PCDH15: variants seen among roughly 807,000 people sequenced by gnomAD.
PCDH15 encodes the protein protocadherin-15.
In PCDH15, 129 loss-of-function variants were observed where a neutral mutation model predicts 178.5. The observed-to-expected ratio is 0.72, with a 90% CI of 0.63 to 0.84. The LOEUF is 0.84. Ranked by LOEUF, PCDH15 falls within the 40% of genes least tolerant of loss-of-function variation. The pLI is 0.00. For synonymous variants in PCDH15, 800 were observed against 732.0 expected (o/e 1.09, Z -1.50); for missense variants, 2,230 against 2,099.9 (o/e 1.06, Z -1.21).
chr10:54,563,358 T>TG (rs1343152939), intron 2 of PCDH15, among the ~76,000 whole-genome samples: 1 of 152,154 alleles, frequency 6.6e-6, no homozygotes, highest in African/African-American at 2.4e-5. Flanking sequence ...GGTTTGTTCT[T>TG]GCATTTGAAC....
At chr10:55,552,142 T>A (rs117433925) in intron 2 of PCDH15, among the ~76,000 whole-genome samples, 2,341 of 151,852 alleles carry the variant, frequency 0.015, 35 homozygotes, top group Middle Eastern at 0.065. Flanking sequence ...CTTAAATGCT[T>A]TAAAATATCA....
intron 2 of PCDH15, among the ~76,000 whole-genome samples, chr10:55,508,667 C>T (rs571785519): frequency 1.1e-3 from 168 of 151,780 alleles, no homozygotes; most frequent in Non-Finnish European, 1.4e-3. Flanking sequence ...GCTTTCTAAA[C>T]TGGTTGGGGA....
At chr10:54,480,467 T>C (rs2078636263) in intron 3 of PCDH15, among the ~76,000 whole-genome samples, 1 of 152,020 alleles carries the variant, frequency 6.6e-6, no homozygotes, top group Admixed American at 6.6e-5. Flanking sequence ...ACTCATAATC[T>C]TATCTAAATC....
At chr10:54,187,532 T>C (rs2048580713) in intron 11 of PCDH15, among the ~76,000 whole-genome samples, 2 of 151,888 alleles carry the variant, frequency 1.3e-5, no homozygotes, top group South Asian at 4.1e-4. Flanking sequence ...ACTCCATAAA[T>C]AGACTTCCTT....
intron 4 of PCDH15, among the ~76,000 whole-genome samples, chr10:54,372,401 G>T (rs2134811313): frequency 6.6e-6 from 1 of 151,938 alleles, no homozygotes; most frequent in East Asian, 1.9e-4. Context: ...AGCTCCCTAT[G>T]CAACTGTTAG....
chr10:54,725,920 T>C (rs1006450033), intron 1 of PCDH15, among the ~76,000 whole-genome samples: 1 of 151,612 alleles, frequency 6.6e-6, no homozygotes, highest in Non-Finnish European at 1.5e-5. Flanking sequence ...TGCACTAACT[T>C]GATTGTCACA....
chr10:54,470,190 G>A (rs1229734485), intron 3 of PCDH15, among the ~76,000 whole-genome samples: 1 of 152,178 alleles, frequency 6.6e-6, no homozygotes, highest in Non-Finnish European at 1.5e-5. Flanking sequence ...GTTGGGGTGG[G>A]GAAGCAGAGG....
At chr10:54,074,829 A>C (rs1000882341) in intron 17 of PCDH15, among the ~76,000 whole-genome samples, 1 of 152,020 alleles carries the variant, frequency 6.6e-6, no homozygotes, top group African/African-American at 2.4e-5. Flanking sequence ...CAAGGGTTCC[A>C]ATTTTTCCAC....
At chr10:54,099,513 AATAT>A (rs1554965277) in intron 15 of PCDH15, among the ~76,000 whole-genome samples, 1 of 117,902 alleles carries the variant, frequency 8.5e-6, no homozygotes, top group South Asian at 2.9e-4. Flanking sequence ...AAAAAAAAAA[AATAT>A]ATATATATAT....
intron 13 of PCDH15, among the ~76,000 whole-genome samples, chr10:54,180,082 T>C (rs1023855307): frequency 6.6e-6 from 1 of 152,196 alleles, no homozygotes; most frequent in Non-Finnish European, 1.5e-5. Flanking sequence ...AATTATCTCA[T>C]GCAGTAATTT....
chr10:54,426,141 T>C (rs2891523), intron 3 of PCDH15, among the ~76,000 whole-genome samples: 72,348 of 152,036 alleles, frequency 0.48, 18,023 homozygotes, highest in Middle Eastern at 0.52. Context: ...GCTCCTGTTT[T>C]ACTAAGGAAA....
At chr10:54,743,851 A>C (rs752574228) in intron 1 of PCDH15, among the ~76,000 whole-genome samples, 39 of 152,100 alleles carry the variant, frequency 2.6e-4, no homozygotes, top group Non-Finnish European at 4.9e-4. Context: ...AACCACTCTA[A>C]CACAAGGAAT....
chr10:54,998,185 C>T (rs1001404203), intron 2 of PCDH15, among the ~76,000 whole-genome samples: 1 of 151,882 alleles, frequency 6.6e-6, no homozygotes, highest in African/African-American at 2.4e-5. Context: ...CAAAGTTTTG[C>T]CATAAAATAA....
At chr10:53,808,914 AG>A in intron 37 of PCDH15, 1 of 1,575,142 alleles carries the variant, frequency 6.3e-7, no homozygotes, top group Non-Finnish European at 8.6e-7. Flanking sequence ...CTTGAGCTTC[AG>A]GGTCTGTACT....
intron 2 of PCDH15, among the ~76,000 whole-genome samples, chr10:55,056,758 G>A (rs1313345157): frequency 2.6e-5 from 4 of 151,392 alleles, no homozygotes; most frequent in South Asian, 4.2e-4. Flanking sequence ...TCAGCCTCCC[G>A]AGTAGCTGGG....
At chr10:55,189,925 C>T (rs769342344) in intron 1 of PCDH15, among the ~76,000 whole-genome samples, 7 of 151,824 alleles carry the variant, frequency 4.6e-5, no homozygotes, top group Middle Eastern at 3.4e-3. Flanking sequence ...ATGCATGATA[C>T]GGGCACACAA....
chr10:55,522,249 G>A (rs1841192752), intron 2 of PCDH15, among the ~76,000 whole-genome samples: 1 of 151,816 alleles, frequency 6.6e-6, no homozygotes, highest in Admixed American at 6.6e-5. Flanking sequence ...TCTAACAGAT[G>A]GGATATCTCA....
At chr10:55,453,351 C>T (rs1311689685) in intron 2 of PCDH15, among the ~76,000 whole-genome samples, 1 of 152,152 alleles carries the variant, frequency 6.6e-6, no homozygotes, top group Non-Finnish European at 1.5e-5. Flanking sequence ...GCGGATCTGA[C>T]ATAGCACCTG....
chr10:55,431,105 T>C (rs1838871401), intron 2 of PCDH15, among the ~76,000 whole-genome samples: 1 of 152,160 alleles, frequency 6.6e-6, no homozygotes, highest in Non-Finnish European at 1.5e-5. Flanking sequence ...AAGAGTCAAT[T>C]TGGTGAGAAT....
Sources: gnomAD v4.1 joint callset for allele counts (sites outside exome capture counted in the v4.1 genomes callset) on GRCh38, gnomAD v4.1.1 for gene constraint, MANE v1.5 for transcripts, NCBI Gene and HGNC (gene_info 2026-07-23, HGNC 2026-07-21) for gene names.